RYR2: variants seen among roughly 807,000 people sequenced by gnomAD.
RYR2 encodes the protein cardiac muscle ryanodine receptor-calcium release channel.
A neutral mutation model predicts 601.1 loss-of-function variants in RYR2; 227 were observed. The ratio of observed to expected loss-of-function variants is 0.38; its 90% confidence interval spans 0.34 to 0.42. The LOEUF is 0.42. RYR2 is among the 10% of genes least tolerant of loss of function. RYR2 has a pLI of 1.00. For missense variants in RYR2, 4,646 were observed against 6,156.5 expected, an observed-to-expected ratio of 0.75 and a Z score of 8.21; for synonymous variants, 2,223 against 2,175.1, an observed-to-expected ratio of 1.02 and a Z score of -0.61.
At chr1:237,633,437 C>T (rs754937570) in intron 42 of RYR2, 141 bp from the exon 43 acceptor site, 43 of 962,320 alleles carry the variant, frequency 4.5e-5, no homozygotes, top group Non-Finnish European at 6.1e-5. Flanking sequence ...GTAGTCTGCA[C>T]ATTTGAAGAT....
At chr1:237,428,102 C>T (rs575916908) in intron 12 of RYR2, among the ~76,000 whole-genome samples, 2 of 152,242 alleles carry the variant, frequency 1.3e-5, no homozygotes, top group East Asian at 3.9e-4. Context: ...CAAGAAACAA[C>T]AGATGCTGGT....
At chr1:237,718,410 G>T in intron 72 of RYR2, 52 bp from the exon 73 acceptor site, 1 of 885,332 alleles carries the variant, frequency 1.1e-6, no homozygotes, top group Non-Finnish European at 1.8e-6. Flanking sequence ...ATTGACTTGT[G>T]ACAGTTGATG....
In RYR2 at chr1:237,784,194, A is replaced by G; in HGVS notation, c.12482A>G (p.Glu4161Gly). Residue 4161 changes from glutamate to glycine, a missense_variant, in exon 90 of 105, where the codon GAG (glutamate) becomes GGG (glycine). Physicochemically the swap from Glu to Gly is moderately conservative, Grantham distance 98 (BLOSUM62 -2). Around this residue, in one of 17 missense-constraint regions of RYR2, gnomAD observed 70 missense variants for 164.6 expected, o/e 0.43. Transcript: ENST00000366574. This position sits in a 1 kb window ranked among gnomAD's most constrained non-coding sequence, Gnocchi z 7.1. Reference protein sequence around the residue: ...EISESSRTQWEKPQVKESKRQ... With the variant: ...EISESSRTQWGKPQVKESKRQ... Reference sequence around the variant, plus strand: ...AGTGAGTCCAGCCGAACCCAGTGGGAGAAGCCCCAGGTCAAGGAGTCCAAA... The same window carrying G: ...AGTGAGTCCAGCCGAACCCAGTGGGGGAAGCCCCAGGTCAAGGAGTCCAAA... 1 of 1,614,014 alleles carries G rather than the reference A, an allele frequency of 6.2e-7. No homozygotes were observed. Among genetic ancestry groups the G allele is most frequent in the East Asian group, 2.2e-5 (1 of 44,870 alleles).
At position 237,377,328 on chromosome 1, in the gene RYR2, G is replaced by T. The variant is rs753443369; in HGVS notation, c.469G>T (p.Ala157Ser). The T allele has an allele frequency of 6.2e-6, 10 of 1,609,786 alleles. No individual in the cohort carries two copies. The Admixed American group carries it at 6.7e-5, about 11-fold the overall frequency. The change falls in exon 8 of 105, where the codon GCT (alanine) becomes TCT (serine). Residue 157 changes from alanine to serine, a missense_variant. Ala to Ser is a moderately conservative substitution (Grantham distance 99, BLOSUM62 1). Coordinates refer to ENST00000366574, the MANE Select transcript of RYR2 (RefSeq NM_001035.3). ...ACATATCCGTATATCTGCAGGGGAG[G>T]CTTGTTGGTGGACCATACACCCTGC... ...VGLQEDTTGE[A>S]CWWTIHPASK...
At chr1:237,642,854 G>C (rs571304835) in intron 47 of RYR2, among the ~76,000 whole-genome samples, 2 of 152,274 alleles carry the variant, frequency 1.3e-5, no homozygotes, top group East Asian at 3.9e-4. Context: ...AATCAGGGTC[G>C]AAGACAGATG....
chr1:237,066,015 A>G (rs905265006), intron 1 of RYR2, among the ~76,000 whole-genome samples: 3 of 152,096 alleles, frequency 2.0e-5, no homozygotes, highest in Non-Finnish European at 4.4e-5. Flanking sequence ...ACCAGACCCC[A>G]CCTCCAACAT....
intron 5 of RYR2, among the ~76,000 whole-genome samples, chr1:237,369,065 C>T (rs1474545983): frequency 6.6e-6 from 1 of 152,010 alleles, no homozygotes; most frequent in South Asian, 2.1e-4. Context: ...CTCAGGTAAT[C>T]GCCCGCCTCG....
intron 1 of RYR2, among the ~76,000 whole-genome samples, chr1:237,155,931 C>G (rs567050007): frequency 3.6e-4 from 55 of 152,286 alleles, no homozygotes; most frequent in African/African-American, 1.3e-3. Context: ...TTTCTGAGAG[C>G]CTGTAAGTAT....
At chr1:237,187,730 C>A (rs1051288274) in intron 1 of RYR2, among the ~76,000 whole-genome samples, 3 of 152,142 alleles carry the variant, frequency 2.0e-5, no homozygotes, top group African/African-American at 7.2e-5. Context: ...CAGGCATGAG[C>A]CACTGAGCCT....
At chr1:237,487,341 T>G (rs759781723) in intron 17 of RYR2, among the ~76,000 whole-genome samples, 2 of 152,128 alleles carry the variant, frequency 1.3e-5, no homozygotes, top group Admixed American at 1.3e-4. Context: ...ATGGACTCTT[T>G]GGTGTTTCTC....
intron 12 of RYR2, among the ~76,000 whole-genome samples, chr1:237,429,985 G>A (rs1200051904): frequency 1.3e-5 from 2 of 151,468 alleles, no homozygotes; most frequent in Non-Finnish European, 2.9e-5. Context: ...AGATATTCTT[G>A]TAAATATTGT....
chr1:237,342,313 ATTTTT>A (rs201847873), intron 3 of RYR2, among the ~76,000 whole-genome samples: 3 of 130,230 alleles, frequency 2.3e-5, no homozygotes, highest in African/African-American at 5.8e-5. Context: ...TGGCTAATTA[ATTTTT>A]TTTTTTTTTT....
At chr1:237,326,517 G>GT (rs1189270535) in intron 2 of RYR2, among the ~76,000 whole-genome samples, 1 of 152,182 alleles carries the variant, frequency 6.6e-6, no homozygotes, top group African/African-American at 2.4e-5. Flanking sequence ...TATGTAATGT[G>GT]TAAGAGGCGG....
intron 1 of RYR2, among the ~76,000 whole-genome samples, chr1:237,052,410 T>C (rs554224542): frequency 1.1e-4 from 17 of 152,272 alleles, no homozygotes; most frequent in African/African-American, 3.9e-4. Context: ...TTCTATTTCA[T>C]TATAAAATAT....
intron 29 of RYR2, among the ~76,000 whole-genome samples, chr1:237,582,473 G>C (rs944249710): frequency 1.3e-5 from 2 of 151,760 alleles, no homozygotes; most frequent in Admixed American, 6.6e-5. Flanking sequence ...TATATGTTCA[G>C]GTTTGTTGCC....
chr1:237,642,318 A>C (rs1245255771), intron 47 of RYR2, among the ~76,000 whole-genome samples: 2 of 152,172 alleles, frequency 1.3e-5, no homozygotes, highest in African/African-American at 4.8e-5. Context: ...AGAAAACTGG[A>C]GTCTGATTTT....
chr1:237,613,226 C>T (rs1372380970), intron 36 of RYR2, among the ~76,000 whole-genome samples: 1 of 152,188 alleles, frequency 6.6e-6, no homozygotes, highest in African/African-American at 2.4e-5. Flanking sequence ...TACTTTGTTT[C>T]TCCTTAACAC....
At chr1:237,465,315 A>C (rs114644859) in intron 16 of RYR2, among the ~76,000 whole-genome samples, 2,057 of 152,252 alleles carry the variant, frequency 0.014, 59 homozygotes, top group African/African-American at 0.047. Flanking sequence ...TTGATTTATA[A>C]ATACTAAATT....
At chr1:237,703,986 A>G (rs1189829939) in intron 66 of RYR2, among the ~76,000 whole-genome samples, 1 of 152,156 alleles carries the variant, frequency 6.6e-6, no homozygotes, top group African/African-American at 2.4e-5. Context: ...AAACTGATAA[A>G]TATTATAGTG....
Sources: allele counts gnomAD v4.1 joint callset (sites outside exome capture counted in the v4.1 genomes callset), GRCh38; gene constraint gnomAD v4.1.1; regional missense constraint gnomAD v4.1.1; non-coding constraint Gnocchi (gnomAD v3.1); transcripts MANE v1.5; gene names NCBI Gene and HGNC (gene_info 2026-07-23, HGNC 2026-07-21).